OR14I1: variants seen among roughly 807,000 people sequenced by gnomAD.
The protein encoded by OR14I1 is olfactory receptor family 14 subfamily I member 1.
For missense variants in OR14I1, 279 were observed against 181.8 expected, an observed-to-expected ratio of 1.53 and a Z score of -3.07; for synonymous variants, 118 against 71.1, an observed-to-expected ratio of 1.66 and a Z score of -3.32.
At chr1:248,678,698 A>C (rs890486279), downstream of OR14I1, among the ~76,000 whole-genome samples, 4 of 152,262 alleles carry the variant, frequency 2.6e-5, no homozygotes, top group African/African-American at 9.6e-5. Context: ...ATTCAAAAAT[A>C]AAGGCAGAGA....
downstream of OR14I1, among the ~76,000 whole-genome samples, chr1:248,680,325 T>C (rs893035835): frequency 1.3e-5 from 2 of 152,198 alleles, no homozygotes; most frequent in Non-Finnish European, 2.9e-5. Context: ...CTCTGGAAAG[T>C]AAAAGTGAGA....
At chr1:248,700,176 G>T in the OR14I1 span, among the ~76,000 whole-genome samples, 1 of 152,162 alleles carries the variant, frequency 6.6e-6, no homozygotes, top group African/African-American at 2.4e-5. Context: ...CCTTGCTCCC[G>T]CATTTTTGTC....
exon 1 of OR14I1, chr1:248,681,402 T>C: frequency 1.3e-6 from 1 of 770,770 alleles, no homozygotes; most frequent in Non-Finnish European, 2.4e-6. Context: ...TCACAAAGAG[T>C]CTCCACATGG....
At chr1:248,690,042 A>G in the OR14I1 span, among the ~76,000 whole-genome samples, 7 of 152,248 alleles carry the variant, frequency 4.6e-5, no homozygotes, top group Admixed American at 6.5e-5. Context: ...GAACAAAGAC[A>G]CAACACACCA....
chr1:248,684,650 C>T (rs903916198), upstream of OR14I1, among the ~76,000 whole-genome samples: 7 of 152,052 alleles, frequency 4.6e-5, no homozygotes, highest in African/African-American at 1.7e-4. Flanking sequence ...AACATTTCAA[C>T]ATAGTTTTGA....
chr1:248,685,251 A>G (rs139597675), upstream of OR14I1, among the ~76,000 whole-genome samples: 238 of 152,190 alleles, frequency 1.6e-3, 1 homozygote, highest in African/African-American at 5.5e-3. Flanking sequence ...AGGTGATTAC[A>G]TTCTGCATAT....
At chr1:248,692,234 G>A in the OR14I1 span, 1 of 152,646 alleles carries the variant, frequency 6.6e-6, no homozygotes, top group South Asian at 2.1e-4. Context: ...CGGATGGCTT[G>A]GGGTCCTCCC....
the OR14I1 span, among the ~76,000 whole-genome samples, chr1:248,702,124 T>G: frequency 6.6e-6 from 1 of 152,148 alleles, no homozygotes; most frequent in Non-Finnish European, 1.5e-5. Context: ...CCCATGATCC[T>G]GGTCACCTCA....
At chr1:248,688,809 G>C in the OR14I1 span, among the ~76,000 whole-genome samples, 1 of 152,134 alleles carries the variant, frequency 6.6e-6, no homozygotes, top group Non-Finnish European at 1.5e-5. Flanking sequence ...GGATTAAAGA[G>C]AGAAAACAGA....
At chr1:248,683,507 G>A (rs1165395313), upstream of OR14I1, among the ~76,000 whole-genome samples, 2 of 152,074 alleles carry the variant, frequency 1.3e-5, no homozygotes, top group Non-Finnish European at 2.9e-5. Flanking sequence ...ACTCTATTAA[G>A]CACATAAATG....
upstream of OR14I1, among the ~76,000 whole-genome samples, chr1:248,684,381 G>A (rs1182960711): frequency 6.6e-6 from 1 of 152,218 alleles, no homozygotes; most frequent in African/African-American, 2.4e-5. Flanking sequence ...TTAGTTTGCT[G>A]TGTAAGCAGC....
chr1:248,687,709 G>A, the OR14I1 span, among the ~76,000 whole-genome samples: 1 of 152,338 alleles, frequency 6.6e-6, no homozygotes, highest in East Asian at 1.9e-4. Flanking sequence ...CCAGCAGTGT[G>A]AACAAGCTTT....
the OR14I1 span, among the ~76,000 whole-genome samples, chr1:248,693,136 A>G: frequency 6.6e-6 from 1 of 152,164 alleles, no homozygotes; most frequent in Admixed American, 6.5e-5. Context: ...TAATCATTTT[A>G]ACATTTCTCC....
the OR14I1 span, among the ~76,000 whole-genome samples, chr1:248,700,740 G>T: frequency 2.0e-5 from 3 of 152,168 alleles, no homozygotes; most frequent in African/African-American, 7.2e-5. Context: ...TCTATGAAAA[G>T]TGTCATGGAT....
chr1:248,684,753 C>CACATATATATATATATATATATAT (rs748883170), upstream of OR14I1, among the ~76,000 whole-genome samples: 1 of 148,244 alleles, frequency 6.7e-6, no homozygotes, highest in African/African-American at 2.6e-5. Flanking sequence ...AATACACACA[C>CACATATATATATATATATATATAT]ATACATATAT....
At chr1:248,694,636 G>A in the OR14I1 span, among the ~76,000 whole-genome samples, 1 of 152,050 alleles carries the variant, frequency 6.6e-6, no homozygotes, top group Admixed American at 6.5e-5. Flanking sequence ...TCTGTTTCAT[G>A]GATATGACAG....
the OR14I1 span, among the ~76,000 whole-genome samples, chr1:248,689,788 C>T: frequency 6.6e-6 from 1 of 152,180 alleles, no homozygotes; most frequent in African/African-American, 2.4e-5. Flanking sequence ...CTTCTCAGCA[C>T]CACATAGCAC....
At chr1:248,691,838 C>G in the OR14I1 span, 1 of 152,438 alleles carries the variant, frequency 6.6e-6, no homozygotes, top group African/African-American at 2.4e-5. Context: ...CAGGACGCAG[C>G]TGCCGGTCCA....
chr1:248,697,552 A>C, the OR14I1 span, among the ~76,000 whole-genome samples: 1 of 151,464 alleles, frequency 6.6e-6, no homozygotes, highest in Non-Finnish European at 1.5e-5. Context: ...TGGGAGGCTG[A>C]GGCGGGCAGA....
Sources: allele counts gnomAD v4.1 joint callset (sites outside exome capture counted in the v4.1 genomes callset), GRCh38; gene constraint gnomAD v4.1.1; transcripts MANE v1.5; gene names NCBI Gene and HGNC (gene_info 2026-07-23, HGNC 2026-07-21).